The following RBFOX1 variants were observed in gnomAD, a reference collection of about 807,000 sequenced individuals.
RBFOX1 encodes RNA binding fox-1 homolog 1.
RBFOX1 carries 8 observed loss-of-function variants against 57.7 expected under a neutral mutation model. The observed-to-expected ratio is 0.14, with a 90% CI of 0.08 to 0.25. The LOEUF is 0.25. Ranked by LOEUF, RBFOX1 falls within the 10% of genes least tolerant of loss-of-function variation. The pLI is 1.00. For missense variants in RBFOX1, 611 were observed against 548.5 expected, an observed-to-expected ratio of 1.11 and a Z score of -1.14; for synonymous variants, 326 against 222.4, an observed-to-expected ratio of 1.47 and a Z score of -4.15.
chr16:7,290,554 T>G (rs939763371), intron 4 of RBFOX1, among the ~76,000 whole-genome samples: 1 of 152,186 alleles, frequency 6.6e-6, no homozygotes, highest in African/African-American at 2.4e-5. Flanking sequence ...ACTAGTAAAT[T>G]AAATGAATCT....
At chr16:6,715,039 A>T (rs1322447267) in intron 3 of RBFOX1, among the ~76,000 whole-genome samples, 1 of 152,074 alleles carries the variant, frequency 6.6e-6, no homozygotes, top group Non-Finnish European at 1.5e-5. Context: ...ACTGCAGAGA[A>T]ATCCATATTT....
intron 4 of RBFOX1, among the ~76,000 whole-genome samples, chr16:7,259,250 A>G (rs186967927): frequency 9.9e-4 from 151 of 152,298 alleles, no homozygotes; most frequent in African/African-American, 3.4e-3. Flanking sequence ...GAAGGAAGGA[A>G]GGCTTTCGCT....
At chr16:6,859,699 A>G (rs956834954) in intron 3 of RBFOX1, among the ~76,000 whole-genome samples, 2 of 152,174 alleles carry the variant, frequency 1.3e-5, no homozygotes, top group Non-Finnish European at 1.5e-5. Flanking sequence ...TTAATCGACT[A>G]CGGTATCAGC....
At chr16:6,940,160 C>G (rs1383114839) in intron 3 of RBFOX1, among the ~76,000 whole-genome samples, 1 of 151,894 alleles carries the variant, frequency 6.6e-6, no homozygotes, top group Non-Finnish European at 1.5e-5. Context: ...CTGCTCCACT[C>G]CAGTCTGGGC....
chr16:7,377,544 G>A (rs906107614), intron 4 of RBFOX1, among the ~76,000 whole-genome samples: 5 of 152,178 alleles, frequency 3.3e-5, no homozygotes, highest in Admixed American at 1.3e-4. Flanking sequence ...CTTGTGCTCT[G>A]GAATCTGTAT....
In RBFOX1 at chr16:7,389,355, G is replaced by T. The variant is rs550150989; in HGVS notation, c.28-128792G>T. Reference sequence around the variant, plus strand: ...AGCCCAGGCTGGTCTTAAACCCCTGGGCTCAGGTAGTCCTCCCACCTCAGC... The same window carrying T: ...AGCCCAGGCTGGTCTTAAACCCCTGTGCTCAGGTAGTCCTCCCACCTCAGC... On this transcript the variant is annotated intron_variant, in intron 4 of 15. Transcript: ENST00000550418. 2.0e-5 allele frequency among the ~76,000 whole-genome samples: 3 copies of T among 152,140 alleles called. No homozygotes were observed. In the East Asian group the frequency reaches 5.8e-4, roughly 29 times the overall value.
At chr16:6,640,411 C>A (rs1254116605) in intron 2 of RBFOX1, among the ~76,000 whole-genome samples, 1 of 152,042 alleles carries the variant, frequency 6.6e-6, no homozygotes, top group Non-Finnish European at 1.5e-5. Context: ...GAGTGTGAGA[C>A]CAGCCTGGCC....
At chr16:7,045,731 T>G (rs904216010) in intron 3 of RBFOX1, among the ~76,000 whole-genome samples, 1 of 152,154 alleles carries the variant, frequency 6.6e-6, no homozygotes, top group African/African-American at 2.4e-5. Context: ...CTTCATTCAC[T>G]GCCTACCTCT....
At chr16:6,843,650 C>T (rs1034375913) in intron 3 of RBFOX1, among the ~76,000 whole-genome samples, 12 of 152,152 alleles carry the variant, frequency 7.9e-5, no homozygotes, top group African/African-American at 2.9e-4. Context: ...CATCGCGCCA[C>T]CGCACTCCAG....
chr16:6,351,352 G>GTGTGTA (rs1474177476), intron 2 of RBFOX1, among the ~76,000 whole-genome samples: 7 of 92,474 alleles, frequency 7.6e-5, no homozygotes, highest in Admixed American at 1.3e-4. Flanking sequence ...GTGTGTGTGT[G>GTGTGTA]TATATATATA....
intron 3 of RBFOX1, among the ~76,000 whole-genome samples, chr16:6,748,005 T>C (rs1016305752): frequency 2.6e-5 from 4 of 152,162 alleles, no homozygotes; most frequent in Non-Finnish European, 5.9e-5. Flanking sequence ...AAGACTTAGG[T>C]TGTATGATTT....
intron 1 of RBFOX1, among the ~76,000 whole-genome samples, chr16:6,044,386 T>G (rs1451114286): frequency 6.6e-6 from 1 of 152,052 alleles, no homozygotes; most frequent in Non-Finnish European, 1.5e-5. Context: ...GAGTTCCTCC[T>G]GGTGTCTGTT....
chr16:7,320,795 A>G (rs2096531571), intron 4 of RBFOX1, among the ~76,000 whole-genome samples: 1 of 152,272 alleles, frequency 6.6e-6, no homozygotes, highest in Non-Finnish European at 1.5e-5. Flanking sequence ...TATTTTAAGT[A>G]TGTGGTTATA....
chr16:6,942,227 C>G (rs2078665482), intron 3 of RBFOX1, among the ~76,000 whole-genome samples: 1 of 152,076 alleles, frequency 6.6e-6, no homozygotes, highest in Non-Finnish European at 1.5e-5. Context: ...TGACAGTGAA[C>G]CAGGATCCCA....
chr16:5,258,393 C>T (rs974281996), intron 1 of RBFOX1, among the ~76,000 whole-genome samples: 53 of 144,522 alleles, frequency 3.7e-4, no homozygotes, highest in African/African-American at 1.3e-3. Context: ...AATTTACTTT[C>T]CCTCTAAAAA....
At chr16:7,654,256 A>ATGAT (rs1293144202) in intron 12 of RBFOX1, among the ~76,000 whole-genome samples, 1 of 152,202 alleles carries the variant, frequency 6.6e-6, no homozygotes, top group Admixed American at 6.5e-5. Context: ...TGTATTTCTG[A>ATGAT]TGATTGCAAA....
At chr16:5,489,124 A>G (rs1474021119) in intron 2 of RBFOX1, among the ~76,000 whole-genome samples, 1 of 152,200 alleles carries the variant, frequency 6.6e-6, no homozygotes, top group African/African-American at 2.4e-5. Context: ...GCTTTGCCTG[A>G]CACTAAGTCT....
chr16:5,329,612 T>A (rs1257543603), intron 1 of RBFOX1, among the ~76,000 whole-genome samples: 4 of 152,274 alleles, frequency 2.6e-5, no homozygotes, highest in Non-Finnish European at 5.9e-5. Context: ...TGTCTTAGTC[T>A]GTTTGGACTG....
intron 14 of RBFOX1, among the ~76,000 whole-genome samples, chr16:7,677,269 C>A (rs1235791172): frequency 1.3e-5 from 2 of 152,054 alleles, no homozygotes; most frequent in Non-Finnish European, 2.9e-5. Flanking sequence ...AAGCCCCTTT[C>A]CTTTTTACAA....
Sources: allele counts gnomAD v4.1 joint callset (sites outside exome capture counted in the v4.1 genomes callset), GRCh38; gene constraint gnomAD v4.1.1; transcripts MANE v1.5; gene names NCBI Gene and HGNC (gene_info 2026-07-23, HGNC 2026-07-21).